Variants in SFSWAP observed in about 807,000 individuals in gnomAD.
The protein encoded by SFSWAP is splicing factor, suppressor of white-apricot homolog.
SFSWAP carries 17 observed loss-of-function variants against 100.7 expected under a neutral mutation model. The observed-to-expected ratio is 0.17, with a 90% confidence interval of 0.12 to 0.25. The LOEUF is 0.25. SFSWAP is among the 10% of genes least tolerant of loss of function. The pLI, the probability that SFSWAP is intolerant of heterozygous loss-of-function variation, is 1.00. For synonymous variants in SFSWAP, 504 were observed against 510.1 expected, an observed-to-expected ratio of 0.99 and a Z score of 0.16; for missense variants, 1,005 against 1,262.6, an observed-to-expected ratio of 0.80 and a Z score of 3.09.
chr12:131,771,234 T>C (rs1347358728), intron 13 of SFSWAP, among the ~76,000 whole-genome samples: 2 of 152,204 alleles, frequency 1.3e-5, no homozygotes, highest in African/African-American at 4.8e-5. Context: ...CTTACAGTAG[T>C]GTTTGGTGTG....
At chr12:131,731,151 T>C (rs1306077159) in intron 7 of SFSWAP, among the ~76,000 whole-genome samples, 1 of 152,194 alleles carries the variant, frequency 6.6e-6, no homozygotes. Context: ...TCTAAATCAC[T>C]GTAAAACCTA....
At chr12:131,723,237 C>T (rs965746123) in intron 4 of SFSWAP, 2 of 152,136 alleles carry the variant, frequency 1.3e-5, no homozygotes, top group African/African-American at 4.8e-5. Context: ...GAGTGACTGG[C>T]CTTTTGTTCA....
chr12:131,777,210 T>C (rs1194388766), intron 13 of SFSWAP, among the ~76,000 whole-genome samples: 2 of 152,236 alleles, frequency 1.3e-5, no homozygotes, highest in Non-Finnish European at 2.9e-5. Context: ...GTTACATATG[T>C]ATACATGTGC....
At chr12:131,722,964 C>T (rs1018633893) in intron 4 of SFSWAP, among the ~76,000 whole-genome samples, 1 of 152,004 alleles carries the variant, frequency 6.6e-6, no homozygotes, top group Non-Finnish European at 1.5e-5. Context: ...AATAAAAATA[C>T]AAAAATAACT....
At position 131,725,861 on chromosome 12, in the gene SFSWAP, ATAAC is replaced by A. The variant is rs1017016633; in HGVS notation, c.832+235_832+238del. ...TTAATATTTTATAGATAAATGAAAT[ATAAC>A]TAAATATTGATGCTGTCAGAACATA... On this transcript the variant is annotated intron_variant, in intron 5 of 17. Coordinates refer to ENST00000261674, the MANE Select transcript of SFSWAP (RefSeq NM_004592.4). This position sits in a 1 kb window ranked among gnomAD's most constrained non-coding sequence, Gnocchi z 4.3. Among the ~76,000 whole-genome samples the A allele has an allele frequency of 6.6e-6, 1 of 152,236 alleles. No individual in the cohort carries two copies. The highest frequency in any genetic ancestry group is 2.4e-5 in the African/African-American group (1 of 41,468).
intron 15 of SFSWAP, among the ~76,000 whole-genome samples, chr12:131,792,542 G>T (rs562056450): frequency 6.6e-6 from 1 of 150,976 alleles, no homozygotes; most frequent in Non-Finnish European, 1.5e-5. Context: ...AGTACTGTGT[G>T]TGCGCCCGTG....
At position 131,724,830 on chromosome 12, in the gene SFSWAP, T is replaced by A. The variant is rs565726060; in HGVS notation, c.607-575T>A. 1.6e-4 allele frequency among the ~76,000 whole-genome samples: 25 copies of A among 152,164 alleles called. No individual in the cohort carries two copies. In the East Asian group the frequency reaches 1.7e-3, roughly 11 times the overall value. ...TTCAGCTTGGGATACTGCTTTTAAG[T>A]GGGAATGGCAGTGAGCCAGGAACTG... On this transcript the variant is annotated intron_variant, in intron 4 of 17. Coordinates refer to ENST00000261674, the MANE Select transcript of SFSWAP (RefSeq NM_004592.4).
In SFSWAP at chr12:131,711,129, A is replaced by T. The variant is rs7134849; in HGVS notation, c.-101A>T. ...TATGGCGGCGGTGTTGAGGTTGGGTACGGGATGCGGGGTCTTTGACTGAAG... is the reference window on the plus strand; with the variant it reads ...TATGGCGGCGGTGTTGAGGTTGGGTTCGGGATGCGGGGTCTTTGACTGAAG... On this transcript the variant is annotated 5_prime_UTR_variant, in exon 1 of 18. Transcript: ENST00000261674. The surrounding 1 kb of genome is among the most constrained non-coding windows in gnomAD (Gnocchi z 4.9). 1.2e-3 allele frequency: 1,112 copies of T among 949,110 alleles called. 2 individuals carry two copies. The highest frequency in any genetic ancestry group is 2.4e-3 in the Admixed American group (85 of 35,532). 58.8% of individuals were successfully genotyped at this position (949,110 alleles called of 1,614,324 possible).
rs376295435 is a variant in SFSWAP, at chr12:131,725,645, G to A, written c.832+15G>A. 319 of 1,588,150 alleles carry A rather than the reference G, an allele frequency of 2.0e-4. No homozygotes were observed. Among genetic ancestry groups the A allele is most frequent in the Non-Finnish European group, 2.4e-4 (284 of 1,161,528 alleles). On this transcript the variant is annotated intron_variant, in intron 5 of 17. Coordinates refer to ENST00000261674, the MANE Select transcript of SFSWAP (RefSeq NM_004592.4). This position sits in a 1 kb window ranked among gnomAD's most constrained non-coding sequence, Gnocchi z 4.3. ...CGAGAAAAAAAGTAGGTCCCACTGC[G>A]TCTGTTCCGTCCAGACTTTGGGCCT...
At chr12:131,781,271 G>A (rs374198597) in intron 14 of SFSWAP, among the ~76,000 whole-genome samples, 55 of 131,788 alleles carry the variant, frequency 4.2e-4, no homozygotes, top group Admixed American at 1.7e-3. Context: ...ACAGAGTCTC[G>A]CTGTCGCCTA....
intron 7 of SFSWAP, 27 bp from the exon 8 acceptor site, chr12:131,753,096 T>C (rs898063714): frequency 3.1e-6 from 5 of 1,612,700 alleles, no homozygotes; most frequent in Non-Finnish European, 4.2e-6. Flanking sequence ...CCGGCCATGC[T>C]CACTCCGGGG....
intron 7 of SFSWAP, among the ~76,000 whole-genome samples, chr12:131,735,565 T>A (rs1879927773): frequency 6.6e-6 from 1 of 152,238 alleles, no homozygotes; most frequent in African/African-American, 2.4e-5. Context: ...GTTGGCGCTT[T>A]AAGCAAAATA....
chr12:131,766,272 A>G lies in SFSWAP; in HGVS notation c.2106A>G (p.Glu702=), dbSNP rs765300640. 3.7e-6 allele frequency: 6 copies of G among 1,614,046 alleles called. No homozygotes were observed. In the African/African-American group the frequency reaches 8.0e-5, roughly 22 times the overall value. ...QTLKNPLPEA[E]AGKIEESPFS... Reference sequence around the variant, plus strand: ...TCAAAAATCCTCTGCCGGAAGCAGAAGCTGGGAAAATTGAGGAGAGTCCTT... The same window carrying G: ...TCAAAAATCCTCTGCCGGAAGCAGAGGCTGGGAAAATTGAGGAGAGTCCTT... Residue 702 remains glutamate (E), a synonymous_variant, in exon 13 of 18, where the codon GAA becomes GAG. Coordinates refer to ENST00000261674, the MANE Select transcript of SFSWAP (RefSeq NM_004592.4).
chr12:131,718,175 T>A (rs1878114190), intron 3 of SFSWAP, among the ~76,000 whole-genome samples: 1 of 152,228 alleles, frequency 6.6e-6, no homozygotes, highest in Non-Finnish European at 1.5e-5. Context: ...AATACCCAAG[T>A]TTTTGTATAC....
intron 7 of SFSWAP, among the ~76,000 whole-genome samples, chr12:131,747,903 T>C (rs973045068): frequency 3.9e-5 from 6 of 152,174 alleles, no homozygotes; most frequent in African/African-American, 1.2e-4. Context: ...CAAGTATAAA[T>C]AGAATTCAAA....
chr12:131,777,142 A>G (rs1884088678), intron 13 of SFSWAP, among the ~76,000 whole-genome samples: 1 of 152,124 alleles, frequency 6.6e-6, no homozygotes, highest in Admixed American at 6.5e-5. Flanking sequence ...TTCCTTAAGA[A>G]CTATTTTTTT....
chr12:131,790,644 T>G (rs1885174743), intron 15 of SFSWAP, among the ~76,000 whole-genome samples: 1 of 152,156 alleles, frequency 6.6e-6, no homozygotes, highest in African/African-American at 2.4e-5. Flanking sequence ...GTAGCACACT[T>G]CAACAAGATG....
intron 13 of SFSWAP, among the ~76,000 whole-genome samples, chr12:131,770,706 G>C (rs1883516319): frequency 6.6e-6 from 1 of 151,940 alleles, no homozygotes; most frequent in Non-Finnish European, 1.5e-5. Context: ...TTAACATAAA[G>C]GTTACCATTT....
At chr12:131,761,075 G>A (rs1237566838) in intron 11 of SFSWAP, among the ~76,000 whole-genome samples, 1 of 152,106 alleles carries the variant, frequency 6.6e-6, no homozygotes, top group Non-Finnish European at 1.5e-5. Context: ...CCGTCTCAAA[G>A]TGAAAATAGC....
Sources: gnomAD v4.1 joint callset for allele counts (sites outside exome capture counted in the v4.1 genomes callset) on GRCh38, gnomAD v4.1.1 for gene constraint, Gnocchi (gnomAD v3.1) non-coding constraint, MANE v1.5 for transcripts, NCBI Gene and HGNC (gene_info 2026-07-23, HGNC 2026-07-21) for gene names.